HIVEP3: variants seen among roughly 807,000 people sequenced by gnomAD.
HIVEP3 encodes HIVEP zinc finger 3, also known as transcription factor HIVEP3.
HIVEP3 carries 49 observed loss-of-function variants against 152.8 expected under a neutral mutation model. The ratio of observed to expected loss-of-function variants is 0.32; its 90% CI spans 0.26 to 0.41. HIVEP3 has a LOEUF of 0.41. Among genes scored for constraint, HIVEP3 ranks in the 10% least tolerant of loss-of-function variants. HIVEP3 has a pLI of 1.00. For synonymous variants in HIVEP3, 1,269 were observed against 1,289.0 expected, an observed-to-expected ratio of 0.98 and a Z score of 0.33; for missense variants, 2,790 against 3,103.3, an observed-to-expected ratio of 0.90 and a Z score of 2.40.
intron 1 of HIVEP3, among the ~76,000 whole-genome samples, chr1:41,806,810 G>A (rs1291694180): frequency 6.6e-6 from 1 of 152,152 alleles, no homozygotes; most frequent in Non-Finnish European, 1.5e-5. Context: ...CACAGGGTAG[G>A]GGGCTCCTAG....
chr1:41,826,507 A>G (rs934016044), intron 1 of HIVEP3, among the ~76,000 whole-genome samples: 7 of 152,234 alleles, frequency 4.6e-5, no homozygotes, highest in Admixed American at 3.3e-4. Context: ...TCTGCCTCCC[A>G]GGTTCAAGTG....
chr1:41,828,864 T>G (rs1192344793), intron 1 of HIVEP3, among the ~76,000 whole-genome samples: 1 of 152,258 alleles, frequency 6.6e-6, no homozygotes, highest in Non-Finnish European at 1.5e-5. Context: ...CTTTAAAGTC[T>G]AGTTCATGGC....
chr1:41,779,225 A>C (rs187064777), intron 1 of HIVEP3, among the ~76,000 whole-genome samples: 55 of 152,088 alleles, frequency 3.6e-4, no homozygotes, highest in Admixed American at 5.9e-4. Context: ...TCCTTGCACC[A>C]ATGAGAGGTG....
At chr1:41,749,404 T>TTGTG (rs3064239) in intron 1 of HIVEP3, among the ~76,000 whole-genome samples, 2,116 of 140,742 alleles carry the variant, frequency 0.015, 48 homozygotes, top group African/African-American at 0.051. Context: ...TTAGAAAAAA[T>TTGTG]TGTGTGTGTG....
chr1:41,896,168 C>T (rs1644524167), intron 1 of HIVEP3, among the ~76,000 whole-genome samples: 1 of 152,136 alleles, frequency 6.6e-6, no homozygotes. Flanking sequence ...AATCCCTGGA[C>T]CTTTCTATGC....
intron 1 of HIVEP3, among the ~76,000 whole-genome samples, chr1:41,779,487 C>T (rs986253058): frequency 1.3e-5 from 2 of 152,198 alleles, no homozygotes; most frequent in African/African-American, 4.8e-5. Context: ...ACAGAAGCCC[C>T]TTCTTTTTCT....
chr1:41,526,087 C>T (rs1009364176), intron 5 of HIVEP3, among the ~76,000 whole-genome samples: 21 of 151,978 alleles, frequency 1.4e-4, no homozygotes, highest in Non-Finnish European at 3.1e-4. Context: ...GAGCAAGGGA[C>T]AGCGTGTCGG....
intron 1 of HIVEP3, among the ~76,000 whole-genome samples, chr1:41,987,874 G>C (rs1232357300): frequency 6.6e-6 from 1 of 152,166 alleles, no homozygotes; most frequent in African/African-American, 2.4e-5. Flanking sequence ...AGCAGGAGAA[G>C]TGCACAAGGG....
chr1:41,790,936 G>T (rs1649654542), intron 1 of HIVEP3, among the ~76,000 whole-genome samples: 1 of 151,988 alleles, frequency 6.6e-6, no homozygotes, highest in Admixed American at 6.5e-5. Context: ...GACTGATCTT[G>T]CAAAAACCCA....
intron 1 of HIVEP3, among the ~76,000 whole-genome samples, chr1:42,006,524 A>G (rs1361750556): frequency 7.9e-5 from 12 of 152,070 alleles, no homozygotes; most frequent in South Asian, 2.1e-4. Context: ...ACATGTTAAC[A>G]TAAGTAACAT....
rs138210008 is a variant in HIVEP3, at chr1:41,810,836, G to C, written c.-801+107577C>G. 4.6e-3 allele frequency among the ~76,000 whole-genome samples: 697 copies of C among 152,312 alleles called. 6 individuals carry two copies. The highest frequency in any genetic ancestry group is 0.016 in the African/African-American group (657 of 41,574). On this transcript the variant is annotated intron_variant, in intron 1 of 8. Transcript: ENST00000372583. ...TCTAACTTTTCACCTCCAATTTATA[G>C]TGTGGATCTCTTTAAGAAGCCAGGT...
chr1:41,963,682 A>T (rs1443858793), intron 1 of HIVEP3, among the ~76,000 whole-genome samples: 1 of 152,228 alleles, frequency 6.6e-6, no homozygotes, highest in Non-Finnish European at 1.5e-5. Flanking sequence ...AATAAAAAAA[A>T]AATCACTCCA....
At chr1:41,881,389 C>T (rs1474346905) in intron 1 of HIVEP3, among the ~76,000 whole-genome samples, 1 of 152,112 alleles carries the variant, frequency 6.6e-6, no homozygotes, top group East Asian at 1.9e-4. Context: ...TAACATGAAC[C>T]CAGGCCAATC....
chr1:41,544,577 C>G (rs1166283593), intron 5 of HIVEP3, among the ~76,000 whole-genome samples: 1 of 151,606 alleles, frequency 6.6e-6, no homozygotes, highest in Non-Finnish European at 1.5e-5. Context: ...CCACGACCAC[C>G]TCTACCACCA....
At chr1:41,815,090 G>C (rs147634201) in intron 1 of HIVEP3, among the ~76,000 whole-genome samples, 2,234 of 152,226 alleles carry the variant, frequency 0.015, 26 homozygotes, top group Non-Finnish European at 0.024. Flanking sequence ...GATGGCCTGG[G>C]GATGTAATAA....
intron 1 of HIVEP3, among the ~76,000 whole-genome samples, chr1:41,717,890 C>G (rs1026496386): frequency 4.6e-5 from 7 of 152,202 alleles, no homozygotes; most frequent in African/African-American, 1.7e-4. Flanking sequence ...GCCTAGCTCA[C>G]GGCAGGCTCT....
rs193026540 is a variant in HIVEP3 at position 41,695,250 on chromosome 1, T to C, written c.-721+5666A>G. 6.3e-4 allele frequency among the ~76,000 whole-genome samples: 96 copies of C among 152,234 alleles called. No individual in the cohort carries two copies. In the East Asian group the frequency reaches 0.017, roughly 28 times the overall value. ...TTGGTCTCCAGTACCTATCTGGAGATGGCCCTCCAGAGTCCTCCTCCTTGC... is the reference window on the plus strand; with the variant it reads ...TTGGTCTCCAGTACCTATCTGGAGACGGCCCTCCAGAGTCCTCCTCCTTGC... On this transcript the variant is annotated intron_variant, in intron 2 of 8. Transcript: ENST00000372583.
chr1:41,646,400 C>T (rs544494617), intron 2 of HIVEP3, among the ~76,000 whole-genome samples: 34 of 152,252 alleles, frequency 2.2e-4, no homozygotes, highest in African/African-American at 7.5e-4. Flanking sequence ...CAGTTTCAGC[C>T]GGCAGAGGCA....
At position 41,581,624 on chromosome 1, in the gene HIVEP3, C is replaced by T. The variant is rs748251544; in HGVS notation, c.3174G>A (p.Glu1058=). Residue 1058 remains glutamate (E), a synonymous_variant, in exon 4 of 9, where the codon GAG becomes GAA. Transcript: ENST00000372583. The surrounding 1 kb of genome is among the most constrained non-coding windows in gnomAD (Gnocchi z 4.5). ...GTCTTCCCTTGGGGGCAACCTCCAACTCAGATTCTGGAGGCCTGCTCAGAG... is the reference window on the plus strand; with the variant it reads ...GTCTTCCCTTGGGGGCAACCTCCAATTCAGATTCTGGAGGCCTGCTCAGAG... ...QASLSRPPES[E]LEVAPKGRQE... 6.2e-7 allele frequency: 1 copy of T among 1,614,064 alleles called. No individual in the cohort carries two copies. The highest frequency in any genetic ancestry group is 1.3e-5 in the African/African-American group (1 of 74,940).
Sources: gnomAD v4.1 joint callset for allele counts (sites outside exome capture counted in the v4.1 genomes callset) on GRCh38, gnomAD v4.1.1 for gene constraint, Gnocchi (gnomAD v3.1) non-coding constraint, MANE v1.5 for transcripts, NCBI Gene and HGNC (gene_info 2026-07-23, HGNC 2026-07-21) for gene names.